KIAA1217: variants seen among roughly 807,000 people sequenced by gnomAD.
The protein encoded by KIAA1217 is KIAA1217.
In KIAA1217, 88 loss-of-function variants were observed where a neutral mutation model predicts 163.9. That is an observed-to-expected ratio of 0.54 (90% CI 0.45 to 0.64). The LOEUF (loss-of-function observed/expected upper bound fraction) is 0.64. Ranked by LOEUF, KIAA1217 falls within the 30% of genes least tolerant of loss-of-function variation. KIAA1217 has a pLI of 0.00. For missense variants in KIAA1217, 2,372 were observed against 2,475.0 expected, an observed-to-expected ratio of 0.96 and a Z score of 0.88; for synonymous variants, 903 against 923.1, an observed-to-expected ratio of 0.98 and a Z score of 0.39.
intron 1 of KIAA1217, among the ~76,000 whole-genome samples, chr10:23,853,939 A>G (rs943398198): frequency 7.2e-5 from 11 of 151,788 alleles, no homozygotes; most frequent in African/African-American, 2.7e-4. Context: ...CAGTCTATCA[A>G]TTTTGTTGAT....
intron 1 of KIAA1217, among the ~76,000 whole-genome samples, chr10:23,915,955 G>A (rs947525059): frequency 7.2e-5 from 11 of 152,138 alleles, no homozygotes; most frequent in Non-Finnish European, 2.9e-5. Flanking sequence ...TTTAAAAACC[G>A]TGTTATAATG....
At chr10:24,319,039 A>G (rs2043775660) in intron 2 of KIAA1217, among the ~76,000 whole-genome samples, 1 of 152,190 alleles carries the variant, frequency 6.6e-6, no homozygotes, top group African/African-American at 2.4e-5. Context: ...AGGTGGAGAC[A>G]GCAGAGAAGA....
At chr10:24,317,838 T>C (rs544678334) in intron 2 of KIAA1217, among the ~76,000 whole-genome samples, 103 of 152,342 alleles carry the variant, frequency 6.8e-4, no homozygotes, top group Middle Eastern at 3.4e-3. Flanking sequence ...AACAATTTAG[T>C]GGCCAATTGA....
intron 1 of KIAA1217, among the ~76,000 whole-genome samples, chr10:23,801,323 C>G (rs528418183): frequency 5.3e-5 from 8 of 152,018 alleles, no homozygotes; most frequent in Non-Finnish European, 8.8e-5. Context: ...TGGGGCCTGT[C>G]GTGGGAGTGG....
chr10:23,702,212 C>G (rs972588795), intron 1 of KIAA1217, among the ~76,000 whole-genome samples: 3 of 146,818 alleles, frequency 2.0e-5, no homozygotes, highest in Admixed American at 6.7e-5. Flanking sequence ...CAGTACAGTT[C>G]TTTAGGGAAG....
At chr10:24,183,619 TA>T (rs748380648) in intron 2 of KIAA1217, among the ~76,000 whole-genome samples, 10 of 152,326 alleles carry the variant, frequency 6.6e-5, no homozygotes, top group Admixed American at 6.5e-5. Flanking sequence ...TGCATTCCAG[TA>T]TGAGAAATCC....
At chr10:23,855,611 C>T (rs1165389805) in intron 1 of KIAA1217, among the ~76,000 whole-genome samples, 1 of 152,174 alleles carries the variant, frequency 6.6e-6, no homozygotes, top group Non-Finnish European at 1.5e-5. Context: ...GAGTGTTTTC[C>T]AACTTGGTTC....
intron 2 of KIAA1217, among the ~76,000 whole-genome samples, chr10:24,295,753 T>A (rs1398381483): frequency 6.6e-6 from 1 of 152,140 alleles, no homozygotes; most frequent in Non-Finnish European, 1.5e-5. Context: ...CTCCCTTCTA[T>A]ACCTCCCTAT....
At chr10:23,927,243 C>A (rs986991079) in intron 1 of KIAA1217, among the ~76,000 whole-genome samples, 1 of 151,508 alleles carries the variant, frequency 6.6e-6, no homozygotes, top group African/African-American at 2.4e-5. Context: ...ATTTTAACTG[C>A]CTGAAAATTT....
At chr10:24,408,307 A>G (rs2057422498) in intron 3 of KIAA1217, among the ~76,000 whole-genome samples, 1 of 152,172 alleles carries the variant, frequency 6.6e-6, no homozygotes, top group South Asian at 2.1e-4. Flanking sequence ...AAAATAAATC[A>G]TGAGCTATCA....
rs139355711 is a variant in KIAA1217 at position 23,916,385 on chromosome 10, C to T, written c.-320-90840C>T. ...GCAAATCTTCCTCATCCTTCACAGC[C>T]CGGCTCAGTTGGTTCCTTTTCTGCA... On this transcript the variant is annotated intron_variant, in intron 1 of 18. Coordinates refer to the KIAA1217 transcript ENST00000376462. Among the ~76,000 whole-genome samples the T allele has an allele frequency of 5.6e-3, 857 of 152,308 alleles. 13 individuals are homozygous for T. The highest frequency in any genetic ancestry group is 0.019 in the African/African-American group (771 of 41,560).
intron 2 of KIAA1217, among the ~76,000 whole-genome samples, chr10:24,143,369 C>G (rs377703578): frequency 1.1e-4 from 17 of 152,102 alleles, no homozygotes; most frequent in African/African-American, 3.9e-4. Context: ...CAGGTTCAAG[C>G]GATTCTCCTG....
chr10:24,040,871 G>GGT, intron 2 of KIAA1217, among the ~76,000 whole-genome samples: 1 of 152,320 alleles, frequency 6.6e-6, no homozygotes, highest in East Asian at 1.9e-4. Context: ...TGCCCGACAA[G>GGT]GTGCAGAGTT....
chr10:24,415,886 T>C (rs998729345), intron 3 of KIAA1217, among the ~76,000 whole-genome samples: 1 of 152,158 alleles, frequency 6.6e-6, no homozygotes, highest in African/African-American at 2.4e-5. Context: ...TGCCAGCAGA[T>C]CCACACCCTG....
chr10:24,104,651 T>C (rs1030139392), intron 2 of KIAA1217, among the ~76,000 whole-genome samples: 1 of 152,224 alleles, frequency 6.6e-6, no homozygotes. Context: ...GAGCATCCTA[T>C]GGACTTTGGG....
chr10:24,304,126 C>CATATTTTTTT (rs1491361646), intron 2 of KIAA1217, among the ~76,000 whole-genome samples: 2 of 114,838 alleles, frequency 1.7e-5, no homozygotes, highest in Non-Finnish European at 1.7e-5. Context: ...GTGAATCCTC[C>CATATTTTTTT]ACATTTTTTT....
chr10:23,807,362 C>A (rs1170379250), intron 1 of KIAA1217, among the ~76,000 whole-genome samples: 1 of 152,204 alleles, frequency 6.6e-6, no homozygotes, highest in Non-Finnish European at 1.5e-5. Flanking sequence ...GAAATAGGAC[C>A]TAGAAGCTAC....
intron 2 of KIAA1217, among the ~76,000 whole-genome samples, chr10:24,266,732 T>TA (rs2076272646): frequency 6.6e-6 from 1 of 151,826 alleles, no homozygotes; most frequent in Non-Finnish European, 1.5e-5. Context: ...TGTGGAGGAT[T>TA]AAAAAAAGGG....
chr10:24,299,650 T>G (rs527649877), intron 2 of KIAA1217, among the ~76,000 whole-genome samples: 5 of 152,342 alleles, frequency 3.3e-5, no homozygotes, highest in African/African-American at 1.2e-4. Context: ...TCTTCTCACC[T>G]TGGCCTCCCA....
Sources: allele counts gnomAD v4.1 joint callset (sites outside exome capture counted in the v4.1 genomes callset), GRCh38; gene constraint gnomAD v4.1.1; transcripts MANE v1.5; gene names NCBI Gene and HGNC (gene_info 2026-07-23, HGNC 2026-07-21).